Variants in NCKAP5 observed in about 807,000 individuals in gnomAD.
NCKAP5 encodes the protein NCK associated protein 5, also known as nck-associated protein 5.
In NCKAP5, 92 loss-of-function variants were observed where a neutral mutation model predicts 167.0. The ratio of observed to expected loss-of-function variants is 0.55; its 90% confidence interval spans 0.47 to 0.66. NCKAP5 has a LOEUF of 0.66. Among genes scored for constraint, NCKAP5 ranks in the 30% least tolerant of loss-of-function variants. The pLI is 0.00. For synonymous variants in NCKAP5, 891 were observed against 877.4 expected (o/e 1.02, Z -0.27); for missense variants, 2,378 against 2,315.0 (o/e 1.03, Z -0.56).
chr2:133,060,976 C>A (rs1279992228), intron 6 of NCKAP5, among the ~76,000 whole-genome samples: 1 of 151,774 alleles, frequency 6.6e-6, no homozygotes, highest in African/African-American at 2.4e-5. Flanking sequence ...GCCTACGAAG[C>A]TGCAGCTAAA....
chr2:133,374,618 G>T (rs1034950467), intron 3 of NCKAP5, among the ~76,000 whole-genome samples: 2 of 150,614 alleles, frequency 1.3e-5, no homozygotes, highest in Admixed American at 6.6e-5. Flanking sequence ...GCATGTCTAG[G>T]GCAGTGGGTG....
chr2:133,492,803 C>A (rs2151358207), intron 3 of NCKAP5, among the ~76,000 whole-genome samples: 1 of 152,258 alleles, frequency 6.6e-6, no homozygotes, highest in Admixed American at 6.5e-5. Flanking sequence ...ATTTATTTAA[C>A]AAGGAATTCA....
intron 5 of NCKAP5, among the ~76,000 whole-genome samples, chr2:133,190,000 G>A (rs971386239): frequency 1.1e-4 from 16 of 152,282 alleles, no homozygotes; most frequent in African/African-American, 3.4e-4. Context: ...GTTTGCAGAT[G>A]ACATGATTGT....
intron 6 of NCKAP5, among the ~76,000 whole-genome samples, chr2:133,099,367 A>G (rs1431906882): frequency 6.6e-6 from 1 of 152,216 alleles, no homozygotes; most frequent in African/African-American, 2.4e-5. Flanking sequence ...AAAATAATGT[A>G]AGGAAGATAA....
At chr2:132,750,963 A>G (rs1052971549) in intron 16 of NCKAP5, among the ~76,000 whole-genome samples, 1 of 152,214 alleles carries the variant, frequency 6.6e-6, no homozygotes, top group Non-Finnish European at 1.5e-5. Context: ...TAGGGCTTCA[A>G]AGGTTTGTGA....
chr2:133,571,367 G>T (rs371858133), upstream of NCKAP5, among the ~76,000 whole-genome samples: 11 of 151,976 alleles, frequency 7.2e-5, no homozygotes, highest in East Asian at 7.7e-4. Context: ...GAGGGTGGGG[G>T]TAGGGGAGGG....
intron 4 of NCKAP5, among the ~76,000 whole-genome samples, chr2:133,251,512 A>C (rs540717208): frequency 3.3e-4 from 50 of 152,272 alleles, no homozygotes; most frequent in Admixed American, 1.3e-3. Context: ...GGAGGATGAC[A>C]ACACTAAACA....
intron 3 of NCKAP5, among the ~76,000 whole-genome samples, chr2:133,321,650 T>C (rs1224560619): frequency 6.6e-6 from 1 of 152,222 alleles, no homozygotes; most frequent in Non-Finnish European, 1.5e-5. Flanking sequence ...GGGAAATGAA[T>C]GCCTTGCTGC....
chr2:133,438,934 G>A (rs1690664800), intron 3 of NCKAP5, among the ~76,000 whole-genome samples: 1 of 152,158 alleles, frequency 6.6e-6, no homozygotes, highest in African/African-American at 2.4e-5. Context: ...GAAGTTGGTG[G>A]ATCAACACAG....
chr2:132,677,794 G>C (rs189414936), intron 19 of NCKAP5, among the ~76,000 whole-genome samples: 3 of 151,990 alleles, frequency 2.0e-5, no homozygotes, highest in African/African-American at 7.3e-5. Context: ...GTATCAGCCC[G>C]TACATGGGTT....
At chr2:133,478,719 T>C (rs1680167440) in intron 3 of NCKAP5, among the ~76,000 whole-genome samples, 1 of 152,162 alleles carries the variant, frequency 6.6e-6, no homozygotes, top group Admixed American at 6.6e-5. Flanking sequence ...CTGCGATGCA[T>C]TTCAAATGTT....
intron 6 of NCKAP5, among the ~76,000 whole-genome samples, chr2:133,001,467 C>T (rs2077779090): frequency 6.6e-6 from 1 of 152,054 alleles, no homozygotes; most frequent in Non-Finnish European, 1.5e-5. Context: ...GCCTCAGCCT[C>T]CCAAAGTGCT....
chr2:133,303,037 C>T lies in NCKAP5; in HGVS notation c.143G>A (p.Arg48Lys), dbSNP rs906924773. The T allele has an allele frequency of 5.0e-6, 8 of 1,597,378 alleles. No homozygotes were observed. The highest frequency in any genetic ancestry group is 2.7e-5 in the African/African-American group (2 of 74,656). ...QLEEQHRSLW[R>K]EKLAVARLQR... ...AAATAAGAACATGAATTGAACTCAC[C>T]TCCAGAGACTCCTGTGTTGCTCCTC... Residue 48 changes from arginine to lysine, a missense_variant and splice_region_variant, in exon 4 of 20, where the codon AGG becomes AAG. Transcript: ENST00000409261.
intron 7 of NCKAP5, among the ~76,000 whole-genome samples, chr2:132,982,051 T>C (rs1011098325): frequency 6.6e-6 from 1 of 152,178 alleles, no homozygotes; most frequent in African/African-American, 2.4e-5. Context: ...ACGAAAGGCA[T>C]CCGTGGCACT....
chr2:132,826,038 T>C (rs976223016), intron 11 of NCKAP5, among the ~76,000 whole-genome samples: 1 of 152,234 alleles, frequency 6.6e-6, no homozygotes, highest in Non-Finnish European at 1.5e-5. Flanking sequence ...GCTTTACTTC[T>C]GTGGAGTTTT....
intron 6 of NCKAP5, chr2:133,118,410 T>A (rs1294451045): frequency 6.6e-6 from 1 of 152,110 alleles, no homozygotes; most frequent in Admixed American, 6.6e-5. Flanking sequence ...TTTTTTTAAA[T>A]CTCAATATGA....
intron 2 of NCKAP5, among the ~76,000 whole-genome samples, chr2:133,557,527 T>C (rs2104996984): frequency 6.6e-6 from 1 of 152,330 alleles, no homozygotes; most frequent in East Asian, 1.9e-4. Flanking sequence ...GTCTGCAGAT[T>C]CTTACCAAGC....
chr2:133,204,499 T>C (rs935374549), intron 5 of NCKAP5, among the ~76,000 whole-genome samples: 1 of 152,236 alleles, frequency 6.6e-6, no homozygotes, highest in African/African-American at 2.4e-5. Context: ...CTGGATATTA[T>C]TTCACTGTTT....
intron 4 of NCKAP5, among the ~76,000 whole-genome samples, chr2:133,271,483 G>A (rs1192273754): frequency 6.6e-6 from 1 of 152,130 alleles, no homozygotes; most frequent in Non-Finnish European, 1.5e-5. Context: ...TGTTTAATCT[G>A]AGTCTGAGCA....
Sources: gnomAD v4.1 joint callset for allele counts (sites outside exome capture counted in the v4.1 genomes callset) on GRCh38, gnomAD v4.1.1 for gene constraint, MANE v1.5 for transcripts, NCBI Gene and HGNC (gene_info 2026-07-23, HGNC 2026-07-21) for gene names.